AGMO: variants seen among roughly 807,000 people sequenced by gnomAD.
The protein encoded by AGMO is glyceryl-ether monooxygenase.
In AGMO, 75 loss-of-function variants were observed where a neutral mutation model predicts 60.2. That is an observed-to-expected ratio of 1.25 (90% CI 1.03 to 1.51). The LOEUF (loss-of-function observed/expected upper bound fraction) is 1.51, where lower values mean the gene tolerates loss of function less well. AGMO is among the 40% of genes most tolerant of loss of function. The probability of loss-of-function intolerance (pLI) is 0.00; values close to 1 mark genes in which losing one functional copy is unlikely to be tolerated. For missense variants in AGMO, 763 were observed against 525.5 expected (o/e 1.45, Z -4.42); for synonymous variants, 261 against 177.1 (o/e 1.47, Z -3.76).
intron 3 of AGMO, among the ~76,000 whole-genome samples, chr7:15,502,126 G>A (rs780644909): frequency 1.6e-4 from 25 of 151,942 alleles, no homozygotes; most frequent in Non-Finnish European, 3.7e-4. Flanking sequence ...CCAAAGTGAG[G>A]GATATTAAAG....
chr7:15,138,687 C>T, the AGMO span, among the ~76,000 whole-genome samples: 112 of 152,200 alleles, frequency 7.4e-4, no homozygotes, highest in Admixed American at 1.9e-3. Flanking sequence ...AATACTTACC[C>T]GTTCACAAAT....
chr7:15,485,274 G>A (rs964369247), intron 3 of AGMO, among the ~76,000 whole-genome samples: 9 of 151,766 alleles, frequency 5.9e-5, no homozygotes, highest in Admixed American at 2.0e-4. Context: ...CCGAGATCAT[G>A]CCATTGCACT....
intron 12 of AGMO, among the ~76,000 whole-genome samples, chr7:15,346,815 T>C (rs1283915699): frequency 1.3e-5 from 2 of 151,652 alleles, no homozygotes; most frequent in Non-Finnish European, 2.9e-5. Context: ...CTGTATCTTA[T>C]TATTATGATT....
intron 12 of AGMO, among the ~76,000 whole-genome samples, chr7:15,203,087 G>T (rs1781347287): frequency 1.3e-5 from 2 of 152,178 alleles, no homozygotes; most frequent in South Asian, 4.1e-4. Flanking sequence ...GTCTTTATTG[G>T]TTACAAGGAT....
intron 12 of AGMO, among the ~76,000 whole-genome samples, chr7:15,353,464 C>G (rs1273072780): frequency 6.6e-6 from 1 of 152,116 alleles, no homozygotes; most frequent in Non-Finnish European, 1.5e-5. Flanking sequence ...CTTAGTTGAT[C>G]TACTCTTGGG....
intron 12 of AGMO, among the ~76,000 whole-genome samples, chr7:15,204,022 AG>A (rs1274478213): frequency 6.6e-6 from 1 of 152,124 alleles, no homozygotes; most frequent in African/African-American, 2.4e-5. Context: ...AGATTGGCAA[AG>A]GATCATAGAA....
intron 3 of AGMO, among the ~76,000 whole-genome samples, chr7:15,443,670 A>C (rs1186558851): frequency 6.6e-6 from 1 of 152,172 alleles, no homozygotes; most frequent in African/African-American, 2.4e-5. Context: ...GCATCAGCAA[A>C]CTGTCACCAT....
Position 15,200,501 on chromosome 7 carries a change from C to G in AGMO, c.*784G>C, listed in dbSNP as rs1781246327. The G allele has an allele frequency of 1.3e-5, 2 of 151,992 alleles. No homozygotes were observed. The highest frequency in any genetic ancestry group is 2.9e-5 in the Non-Finnish European group (2 of 68,022). 9.4% of individuals were successfully genotyped at this position (151,992 alleles called of 1,614,324 possible). On this transcript the variant is annotated 3_prime_UTR_variant, in exon 13 of 13. Transcript: ENST00000342526. ...CTGTTCATTTTTCTTTCAGTGATGT[C>G]TTTTTTCTTTGAGACGGAGTCTCGC...
intron 12 of AGMO, among the ~76,000 whole-genome samples, chr7:15,236,344 A>C (rs935745880): frequency 4.6e-5 from 7 of 152,150 alleles, no homozygotes; most frequent in African/African-American, 1.7e-4. Flanking sequence ...CTACATTATA[A>C]TTTATAAGCA....
At chr7:15,530,346 T>A (rs1190123127) in intron 3 of AGMO, among the ~76,000 whole-genome samples, 1 of 113,996 alleles carries the variant, frequency 8.8e-6, no homozygotes, top group African/African-American at 3.3e-5. Flanking sequence ...ATATTCTATA[T>A]ACGTATTTCT....
At position 15,201,181 on chromosome 7, in the gene AGMO, A is replaced by T; in HGVS notation, c.*104T>A. On this transcript the variant is annotated 3_prime_UTR_variant, in exon 13 of 13. Coordinates refer to ENST00000342526, the MANE Select transcript of AGMO (RefSeq NM_001004320.2). ...AAGTAATTTTACTTTTCATTGAAGA[A>T]ATAGTTCATATAAGCATTACATAAA... is the stretch of plus-strand genomic sequence containing the variant. 1.6e-6 allele frequency: 1 copy of T among 623,070 alleles called. No homozygotes were observed. The highest frequency in any genetic ancestry group is 2.6e-6 in the Non-Finnish European group (1 of 388,766). The allele number at this position is 623,070 out of a possible 1,614,324, so 38.6% of individuals were successfully genotyped here.
At chr7:15,415,198 G>GCCA (rs1780728073) in intron 5 of AGMO, among the ~76,000 whole-genome samples, 1 of 151,890 alleles carries the variant, frequency 6.6e-6, no homozygotes, top group African/African-American at 2.4e-5. Context: ...CCTGGTTCAT[G>GCCA]CCATCCTCCT....
intron 12 of AGMO, among the ~76,000 whole-genome samples, chr7:15,248,130 G>T (rs35990236): frequency 7.6e-6 from 1 of 131,352 alleles, no homozygotes; most frequent in Non-Finnish European, 1.6e-5. Context: ...GGTGTAAGAC[G>T]AGTTTAAACA....
the AGMO span, among the ~76,000 whole-genome samples, chr7:15,117,699 A>T: frequency 2.0e-5 from 3 of 152,020 alleles, no homozygotes; most frequent in Non-Finnish European, 4.4e-5. Context: ...ATTGAAGAAA[A>T]TTATAGATAG....
chr7:15,417,099 T>C (rs1780794473), intron 5 of AGMO, among the ~76,000 whole-genome samples: 1 of 152,200 alleles, frequency 6.6e-6, no homozygotes, highest in Non-Finnish European at 1.5e-5. Flanking sequence ...CAATTTAAAA[T>C]TCCAAGATCC....
chr7:15,554,774 G>T (rs1309786306), intron 2 of AGMO, among the ~76,000 whole-genome samples: 1 of 151,952 alleles, frequency 6.6e-6, no homozygotes, highest in African/African-American at 2.4e-5. Flanking sequence ...CAATAAATCA[G>T]AAATAAATGT....
chr7:15,485,694 C>T (rs142011933), intron 3 of AGMO, among the ~76,000 whole-genome samples: 2 of 152,122 alleles, frequency 1.3e-5, no homozygotes, highest in South Asian at 4.2e-4. Flanking sequence ...ACGTAGATGA[C>T]GAATTACAGG....
chr7:15,212,916 C>T lies in AGMO; in HGVS notation c.1264-11557G>A, dbSNP rs184588740. 9.2e-5 allele frequency among the ~76,000 whole-genome samples: 14 copies of T among 152,004 alleles called. No homozygotes were observed. The South Asian group carries it at 1.2e-3, about 14-fold the overall frequency. On this transcript the variant is annotated intron_variant, in intron 12 of 12. Transcript: ENST00000342526. ...TGAAAACTTACTACAGACTTTCATACGTGCAAACATCAACAAACGTCAGTA... is the reference window on the plus strand; with the variant it reads ...TGAAAACTTACTACAGACTTTCATATGTGCAAACATCAACAAACGTCAGTA...
At chr7:15,415,127 A>G (rs1214164795) in intron 5 of AGMO, among the ~76,000 whole-genome samples, 1 of 152,022 alleles carries the variant, frequency 6.6e-6, no homozygotes, top group African/African-American at 2.4e-5. Context: ...TCAAAATTTA[A>G]TATTTCTGTT....
Sources: gnomAD v4.1 joint callset for allele counts (sites outside exome capture counted in the v4.1 genomes callset) on GRCh38, gnomAD v4.1.1 for gene constraint, MANE v1.5 for transcripts, NCBI Gene and HGNC (gene_info 2026-07-23, HGNC 2026-07-21) for gene names.